The following PMFBP1 variants were observed in gnomAD, a reference collection of about 807,000 sequenced individuals.
The protein encoded by PMFBP1 is polyamine modulated factor 1 binding protein 1.
Under a neutral mutation model 137.8 loss-of-function variants are expected in PMFBP1, and 131 were observed. That is an observed-to-expected ratio of 0.95 (90% CI 0.82 to 1.10). PMFBP1 has a LOEUF of 1.10. PMFBP1 is among the 50% of genes least tolerant of loss of function. The probability of loss-of-function intolerance (pLI) is 0.00; values close to 1 mark genes in which losing one functional copy is unlikely to be tolerated. For missense variants in PMFBP1, 1,199 were observed against 1,175.4 expected, an observed-to-expected ratio of 1.02 and a Z score of -0.29; for synonymous variants, 490 against 450.4, an observed-to-expected ratio of 1.09 and a Z score of -1.11.
At chr16:72,193,942 G>A in the PMFBP1 span, among the ~76,000 whole-genome samples, 2 of 150,738 alleles carry the variant, frequency 1.3e-5, no homozygotes, top group Non-Finnish European at 2.9e-5. Context: ...CCATGAGGTG[G>A]AAGAGTCTAT....
At chr16:72,222,649 A>C in the PMFBP1 span, among the ~76,000 whole-genome samples, 4 of 151,702 alleles carry the variant, frequency 2.6e-5, no homozygotes, top group South Asian at 6.2e-4. Flanking sequence ...TAGACTGCCG[A>C]CTCTCCCACT....
chr16:72,233,746 T>C, the PMFBP1 span, among the ~76,000 whole-genome samples: 1 of 152,106 alleles, frequency 6.6e-6, no homozygotes, highest in African/African-American at 2.4e-5. Flanking sequence ...CATTCCCTCC[T>C]TCCCTCAGCC....
At chr16:72,240,622 A>G in the PMFBP1 span, among the ~76,000 whole-genome samples, 1 of 152,108 alleles carries the variant, frequency 6.6e-6, no homozygotes, top group African/African-American at 2.4e-5. Flanking sequence ...TGCTTGAATC[A>G]TGGTGCAGCC....
At chr16:72,191,584 T>C in the PMFBP1 span, among the ~76,000 whole-genome samples, 1 of 152,228 alleles carries the variant, frequency 6.6e-6, no homozygotes, top group African/African-American at 2.4e-5. Flanking sequence ...TTTACCAGAA[T>C]TGGGGATCTA....
intron 2 of PMFBP1, 58 bp from the exon 3 acceptor site, chr16:72,164,974 C>A: frequency 6.7e-7 from 1 of 1,498,834 alleles, no homozygotes; most frequent in East Asian, 2.3e-5. Context: ...GTGCTGCTTT[C>A]ATTCACTTAA....
the PMFBP1 span, among the ~76,000 whole-genome samples, chr16:72,208,951 G>C: frequency 6.6e-6 from 1 of 152,220 alleles, no homozygotes; most frequent in South Asian, 2.1e-4. Flanking sequence ...TCTGCAGAAT[G>C]TTAAGTGTAA....
chr16:72,174,589 G>A (rs1224574565), upstream of PMFBP1, among the ~76,000 whole-genome samples: 3 of 152,138 alleles, frequency 2.0e-5, no homozygotes, highest in Non-Finnish European at 2.9e-5. Flanking sequence ...GGAAATACCC[G>A]AAACTGGGTA....
At chr16:72,149,961 G>C (rs2042876912) in intron 5 of PMFBP1, among the ~76,000 whole-genome samples, 1 of 152,192 alleles carries the variant, frequency 6.6e-6, no homozygotes, top group Non-Finnish European at 1.5e-5. Context: ...GAATGATGGG[G>C]AAGAGGTTGA....
chr16:72,162,524 T>G (rs2043078951), intron 3 of PMFBP1, among the ~76,000 whole-genome samples: 1 of 152,214 alleles, frequency 6.6e-6, no homozygotes, highest in Admixed American at 6.5e-5. Context: ...TTTCAGAAAG[T>G]CTTGGTTTCC....
intron 5 of PMFBP1, among the ~76,000 whole-genome samples, chr16:72,146,147 C>A (rs1421049894): frequency 6.6e-6 from 1 of 152,202 alleles, no homozygotes; most frequent in Admixed American, 6.5e-5. Flanking sequence ...CAAACCGAAT[C>A]CAGCAGCACA....
intron 19 of PMFBP1, 73 bp from the exon 20 acceptor site, chr16:72,120,162 G>GATA (rs777790399): frequency 6.2e-7 from 1 of 1,606,268 alleles, no homozygotes; most frequent in Non-Finnish European, 8.5e-7. Flanking sequence ...AGAAAGGACA[G>GATA]ATAAAGGTGT....
upstream of PMFBP1, among the ~76,000 whole-genome samples, chr16:72,179,252 C>T (rs571635123): frequency 2.0e-5 from 3 of 152,288 alleles, no homozygotes; most frequent in Non-Finnish European, 4.4e-5. Flanking sequence ...TTAGGTTCAG[C>T]TCAGCAATCA....
At chr16:72,143,589 A>C (rs1229666992) in intron 5 of PMFBP1, among the ~76,000 whole-genome samples, 1 of 151,778 alleles carries the variant, frequency 6.6e-6, no homozygotes, top group Non-Finnish European at 1.5e-5. Flanking sequence ...CAAAAATAAC[A>C]AAAATTAGCT....
chr16:72,244,432 G>T, the PMFBP1 span, among the ~76,000 whole-genome samples: 1 of 152,164 alleles, frequency 6.6e-6, no homozygotes, highest in Non-Finnish European at 1.5e-5. Flanking sequence ...TGACACTAAA[G>T]GATAAAGGAT....
chr16:72,156,885 G>C (rs2042988749), intron 3 of PMFBP1, among the ~76,000 whole-genome samples: 1 of 151,938 alleles, frequency 6.6e-6, no homozygotes, highest in Non-Finnish European at 1.5e-5. Context: ...GGATATAGCA[G>C]TATATAAAAC....
At chr16:72,207,546 T>C in the PMFBP1 span, among the ~76,000 whole-genome samples, 1 of 151,802 alleles carries the variant, frequency 6.6e-6, no homozygotes, top group African/African-American at 2.4e-5. Context: ...AATTGCAGCA[T>C]TGAGAATTAG....
chr16:72,216,393 A>T, the PMFBP1 span, among the ~76,000 whole-genome samples: 1 of 152,206 alleles, frequency 6.6e-6, no homozygotes, highest in South Asian at 2.1e-4. Context: ...AAAAACCAAA[A>T]ATATGTGGCA....
In PMFBP1 at chr16:72,128,638, G is replaced by A. The variant is rs756066013; in HGVS notation, c.2088+19C>T. ...CAGGGTTCAAATTCCTCACTCCCTT[G>A]GGGTTCCTGTCTACTCACCTCTTTA... On this transcript the variant is annotated intron_variant, in intron 14 of 20. Transcript: ENST00000237353. 2.5e-6 allele frequency: 4 copies of A among 1,614,004 alleles called. No individual in the cohort carries two copies. The South Asian group carries it at 4.4e-5, about 18-fold the overall frequency.
intron 18 of PMFBP1, 76 bp from the exon 19 acceptor site, chr16:72,123,064 G>GA: frequency 7.5e-7 from 1 of 1,332,454 alleles, no homozygotes; most frequent in Non-Finnish European, 1.1e-6. Context: ...GGCTGAATGG[G>GA]ATGCTGGGTT....
Sources: allele counts gnomAD v4.1 joint callset (sites outside exome capture counted in the v4.1 genomes callset), GRCh38; gene constraint gnomAD v4.1.1; transcripts MANE v1.5; gene names NCBI Gene and HGNC (gene_info 2026-07-23, HGNC 2026-07-21).